MYOM2: variants seen among roughly 807,000 people sequenced by gnomAD.
MYOM2 encodes myomesin-2.
A neutral mutation model predicts 187.6 loss-of-function variants in MYOM2; 254 were observed. That is an observed-to-expected ratio of 1.35 (90% CI 1.22 to 1.50). The LOEUF is 1.50. Ranked by LOEUF, MYOM2 falls within the 40% of genes most tolerant of loss-of-function variation. The pLI is 0.00. For synonymous variants in MYOM2, 981 were observed against 753.8 expected, an observed-to-expected ratio of 1.30 and a Z score of -4.94; for missense variants, 2,796 against 1,924.0, an observed-to-expected ratio of 1.45 and a Z score of -8.48.
chr8:2,106,276 A>C lies in MYOM2; in HGVS notation c.2769A>C (p.Gln923His). The C allele has an allele frequency of 1.2e-6, 2 of 1,614,030 alleles. No homozygotes were observed. Among genetic ancestry groups the C allele is most frequent in the Non-Finnish European group, 1.7e-6 (2 of 1,180,008 alleles). The change falls in exon 22 of 37, where the codon CAA becomes CAC. Residue 923 changes from glutamine to histidine, a missense_variant. Coordinates refer to ENST00000262113, the MANE Select transcript of MYOM2 (RefSeq NM_003970.4). ...AAATCAGTGCTGGTGTCGATGAACA[A>C]GGCAACATCTATCTGGGCTTCGACT... Reference protein sequence around the residue: ...TKEISAGVDEQGNIYLGFDCQ... With the variant: ...TKEISAGVDEHGNIYLGFDCQ...
chr8:2,113,275 C>A (rs1797127932), intron 25 of MYOM2, among the ~76,000 whole-genome samples: 1 of 152,220 alleles, frequency 6.6e-6, no homozygotes, highest in Non-Finnish European at 1.5e-5. Flanking sequence ...GGGATGTGGT[C>A]CTTCTACCGT....
At chr8:2,048,519 T>C (rs1031793577) in intron 1 of MYOM2, among the ~76,000 whole-genome samples, 1 of 152,202 alleles carries the variant, frequency 6.6e-6, no homozygotes, top group Non-Finnish European at 1.5e-5. Context: ...TGAACCATGA[T>C]AACAGCAGCA....
chr8:2,073,531 C>G (rs199952196), intron 10 of MYOM2, 31 bp downstream of exon 10: 10 of 1,560,516 alleles, frequency 6.4e-6, no homozygotes, highest in Non-Finnish European at 7.8e-6. Context: ...AGGGTGCAGA[C>G]CTTGTGTGTG....
At chr8:2,055,794 C>G (rs892212839) in intron 3 of MYOM2, among the ~76,000 whole-genome samples, 1 of 152,204 alleles carries the variant, frequency 6.6e-6, no homozygotes, top group Non-Finnish European at 1.5e-5. Flanking sequence ...TACCGCCAAC[C>G]TGCAGCGGGT....
chr8:2,085,389 A>T lies in MYOM2; in HGVS notation c.1643A>T (p.Lys548Met). The T allele has an allele frequency of 1.2e-6, 2 of 1,608,006 alleles. No homozygotes were observed. The highest frequency in any genetic ancestry group is 1.7e-6 in the Non-Finnish European group (2 of 1,177,758). ...GKDPLMYFIEKSVVGSGSWQR... is the reference protein window; with the variant it reads ...GKDPLMYFIEMSVVGSGSWQR... ...GACCCGCTCATGTACTTCATTGAGAAGGTAAACTCCGGGCCCGTGTCCTGG... is the reference window on the plus strand; with the variant it reads ...GACCCGCTCATGTACTTCATTGAGATGGTAAACTCCGGGCCCGTGTCCTGG... The change falls in exon 14 of 37, where the codon AAG (lysine) becomes ATG (methionine). Residue 548 changes from lysine to methionine, a missense_variant and splice_region_variant. Physicochemically the swap from Lys to Met is moderately conservative, Grantham distance 95. Transcript: ENST00000262113.
chr8:2,109,556 TGGCTTTGCAG>T, intron 25 of MYOM2, 25 bp downstream of exon 25: 1 of 1,591,946 alleles, frequency 6.3e-7, no homozygotes, highest in Non-Finnish European at 8.5e-7. Context: ...GAGTGATCTC[TGGCTTTGCAG>T]GGAGTCCACT....
chr8:2,115,853 T>A, intron 25 of MYOM2, 107 bp from the exon 26 acceptor site: 1 of 1,290,536 alleles, frequency 7.7e-7, no homozygotes, highest in Non-Finnish European at 1.1e-6. Context: ...TTTCTTCCTA[T>A]CATAATCCCT....
rs779831284 is a variant in MYOM2, at chr8:2,069,291, G to A, written c.667G>A (p.Asp223Asn). The change falls in exon 7 of 37, where the codon GAC (aspartate) becomes AAC (asparagine). Residue 223 changes from aspartate (D) to asparagine (N), a missense_variant. By Grantham distance (23) the Asp-to-Asn change is conservative (BLOSUM62 1). Transcript: ENST00000262113. ...TLEINRADFD[D>N]TATYSAVATN... ...TTTCTCTCCAAGGGCAGACTTTGAC[G>A]ACACTGCGACATACTCAGCAGTGGC... is the stretch of plus-strand genomic sequence containing the variant. 16 of 1,611,604 alleles carry A rather than the reference G, an allele frequency of 9.9e-6. No homozygotes were observed. The highest frequency in any genetic ancestry group is 9.9e-5 in the South Asian group (9 of 90,984).
At position 2,093,994 on chromosome 8, in the gene MYOM2, G is replaced by A. The variant is rs367762577; in HGVS notation, c.2028G>A (p.Thr676=). 120 of 1,614,168 alleles carry A rather than the reference G, an allele frequency of 7.4e-5. 2 individuals carry two copies. The South Asian group carries it at 1.1e-3, about 14-fold the overall frequency. The change falls in exon 17 of 37, where the codon ACG becomes ACA. Residue 676 remains threonine (T), a synonymous_variant. Coordinates refer to ENST00000262113, the MANE Select transcript of MYOM2 (RefSeq NM_003970.4). ...YNRFVVHGLT[T]GEQYIFRVKA... is the part of the protein sequence containing the mutation. The stretch of plus-strand genomic sequence containing the variant: ...GGTTCGTGGTGCACGGCTTAACCAC[G>A]GGAGAGCAGTACATCTTCCGAGTCA...
chr8:2,137,274 G>C (rs1377241398), intron 32 of MYOM2, among the ~76,000 whole-genome samples: 1 of 151,966 alleles, frequency 6.6e-6, no homozygotes, highest in African/African-American at 2.4e-5. Flanking sequence ...GCTCACACAG[G>C]GTGGCAGCGA....
At position 2,090,057 on chromosome 8, in the gene MYOM2, TGAGATCCCC is replaced by T; in HGVS notation, c.1700_1708del (p.Ser567_Arg569del). On this transcript the variant is annotated inframe_deletion, in exon 15 of 37. Coordinates refer to ENST00000262113, the MANE Select transcript of MYOM2 (RefSeq NM_003970.4). ...CAGAGAGTCAACGCCCAGACGGCTG[TGAGATCCCC>T]GAGATATGCCGTGTTTGACCTCATG... 1.2e-6 allele frequency: 2 copies of T among 1,613,792 alleles called. No homozygotes were observed. The highest frequency in any genetic ancestry group is 1.7e-6 in the Non-Finnish European group (2 of 1,179,800).
chr8:2,078,998 GT>G, intron 12 of MYOM2, 65 bp downstream of exon 12: 1 of 1,517,830 alleles, frequency 6.6e-7, no homozygotes, highest in Non-Finnish European at 9.1e-7. Flanking sequence ...TGTGTGATTT[GT>G]TGTCTCTTTC....
intron 18 of MYOM2, among the ~76,000 whole-genome samples, 155 bp downstream of exon 18, chr8:2,096,589 A>G (rs996003369): frequency 6.6e-6 from 1 of 152,344 alleles, no homozygotes; most frequent in South Asian, 2.1e-4. Flanking sequence ...TGGAGCTAAA[A>G]AGATCCTAGG....
At position 2,072,426 on chromosome 8, in the gene MYOM2, G is replaced by A; in HGVS notation, c.875G>A (p.Gly292Asp). 6.2e-7 allele frequency: 1 copy of A among 1,614,202 alleles called. No homozygotes were observed. The highest frequency in any genetic ancestry group is 8.5e-7 in the Non-Finnish European group (1 of 1,180,046). ...TTTGGGGTCACCTTCAGGAGGGAAG[G>A]CGAGACGGTCACTCTCAAGTGCACC... The part of the protein sequence containing the change: ...EKFGVTFRRE[G>D]ETVTLKCTML... Residue 292 changes from glycine to aspartate, a missense_variant, in exon 9 of 37, where the codon GGC (glycine) becomes GAC (aspartate). Coordinates refer to ENST00000262113, the MANE Select transcript of MYOM2 (RefSeq NM_003970.4).
rs1819152826 is a variant in MYOM2, at chr8:2,069,804, A to G, written c.793+307A>G. ...AATTCTATGGCTAGGTGGTATTTTT[A>G]GACTGGTGAAAACATCACTTGGAGA... On this transcript the variant is annotated intron_variant, in intron 8 of 36. Coordinates refer to ENST00000262113, the MANE Select transcript of MYOM2 (RefSeq NM_003970.4). 2.0e-5 allele frequency among the ~76,000 whole-genome samples: 3 copies of G among 152,222 alleles called. No individual in the cohort carries two copies. In the South Asian group the frequency reaches 6.2e-4, roughly 32 times the overall value.
At chr8:2,052,840 G>A (rs373729340) in intron 3 of MYOM2, among the ~76,000 whole-genome samples, 17 of 152,322 alleles carry the variant, frequency 1.1e-4, no homozygotes, top group African/African-American at 2.9e-4. Flanking sequence ...AACAGTTGTC[G>A]TGTGGAAACT....
chr8:2,140,668 T>A, intron 32 of MYOM2, 55 bp from the exon 33 acceptor site: 1 of 1,577,660 alleles, frequency 6.3e-7, no homozygotes, highest in Non-Finnish European at 8.7e-7. Context: ...CTGTAGACAT[T>A]GTGCGTGTGA....
rs965245019 is a variant in MYOM2, at chr8:2,099,142, T to C, written c.2440+159T>C. ...CCGTGCGCCAGGCGCCGTGCAGGGC[T>C]GTGAATCAGGCAGACCCAGCATCTA... is the stretch of plus-strand genomic sequence containing the variant. On this transcript the variant is annotated intron_variant, in intron 19 of 36. Transcript: ENST00000262113. Among the ~76,000 whole-genome samples the C allele has an allele frequency of 2.6e-4, 40 of 152,200 alleles. 1 individual carries two copies. The highest frequency in any genetic ancestry group is 2.2e-3 in the Admixed American group (33 of 15,276).
intron 13 of MYOM2, 69 bp from the exon 14 acceptor site, chr8:2,085,194 G>A: frequency 6.4e-7 from 1 of 1,571,498 alleles, no homozygotes; most frequent in Non-Finnish European, 8.7e-7. Context: ...GTCCTCCAGT[G>A]CCCCGAGGTG....
Sources: gnomAD v4.1 joint callset for allele counts (sites outside exome capture counted in the v4.1 genomes callset) on GRCh38, gnomAD v4.1.1 for gene constraint, MANE v1.5 for transcripts, NCBI Gene and HGNC (gene_info 2026-07-23, HGNC 2026-07-21) for gene names.